The following ZNF618 variants were observed in gnomAD, a reference collection of about 807,000 sequenced individuals.
The protein encoded by ZNF618 is zinc finger protein 618.
Under a neutral mutation model 103.0 loss-of-function variants are expected in ZNF618, and 34 were observed. That is an observed-to-expected ratio of 0.33 (90% CI 0.25 to 0.44). The LOEUF is 0.44. Among genes scored for constraint, ZNF618 ranks in the 20% least tolerant of loss-of-function variants. ZNF618 has a pLI of 1.00. For synonymous variants in ZNF618, 551 were observed against 542.2 expected (o/e 1.02, Z -0.23); for missense variants, 1,059 against 1,295.4 (o/e 0.82, Z 2.80).
intron 2 of ZNF618, among the ~76,000 whole-genome samples, chr9:113,986,533 G>A (rs1002068111): frequency 2.6e-5 from 4 of 152,222 alleles, no homozygotes; most frequent in African/African-American, 9.6e-5. Flanking sequence ...CCTCCTGGCT[G>A]TAGAGGGTCG....
intron 5 of ZNF618, 110 bp from the exon 6 acceptor site, chr9:114,002,514 G>A (rs544528469): frequency 8.8e-6 from 11 of 1,247,294 alleles, no homozygotes; most frequent in South Asian, 6.6e-5. Flanking sequence ...GGCCCGGTGC[G>A]GGACTGTGAG....
intron 1 of ZNF618, among the ~76,000 whole-genome samples, chr9:113,895,803 G>A (rs536670544): frequency 6.6e-6 from 1 of 152,162 alleles, no homozygotes; most frequent in Non-Finnish European, 1.5e-5. Context: ...TCTTTTCAGA[G>A]TTTAAAATAA....
intron 1 of ZNF618, among the ~76,000 whole-genome samples, chr9:113,920,277 C>T (rs936748555): frequency 6.6e-6 from 1 of 152,050 alleles, no homozygotes; most frequent in Non-Finnish European, 1.5e-5. Context: ...GCTAGGAGAC[C>T]CCTTAATGGT....
intron 9 of ZNF618, among the ~76,000 whole-genome samples, chr9:114,013,126 A>T (rs1392630522): frequency 6.6e-6 from 1 of 152,220 alleles, no homozygotes. Context: ...GAAGGGAAAA[A>T]GTTGTAATCT....
rs186073788 is a variant in ZNF618, at chr9:113,969,108, C to A, written c.34-9C>A. 5,964 of 1,613,956 alleles carry A rather than the reference C, an allele frequency of 3.7e-3. 45 individuals are homozygous for A. The highest frequency in any genetic ancestry group is 0.015 in the Middle Eastern group (89 of 6,062). On this transcript the variant is annotated splice_polypyrimidine_tract_variant and intron_variant, in intron 1 of 14. Coordinates refer to ENST00000374126, the MANE Select transcript of ZNF618 (RefSeq NM_001318042.2). ...TGGCTGATGTAGGTGTTTTGGGTTT[C>A]TTTTGCAGGCTGACGGAGCCAGTGC...
At chr9:113,999,230 G>C (rs1840930692) in intron 4 of ZNF618, among the ~76,000 whole-genome samples, 1 of 151,976 alleles carries the variant, frequency 6.6e-6, no homozygotes, top group African/African-American at 2.4e-5. Context: ...GCTGTGCGAG[G>C]GGCAGGCGGG....
intron 1 of ZNF618, among the ~76,000 whole-genome samples, chr9:113,947,804 C>T (rs1272127582): frequency 6.6e-6 from 1 of 152,168 alleles, no homozygotes; most frequent in Non-Finnish European, 1.5e-5. Context: ...AGTGCCGCAG[C>T]TCTATTGTTG....
chr9:113,915,853 C>G (rs1832022626), intron 1 of ZNF618, among the ~76,000 whole-genome samples: 2 of 152,128 alleles, frequency 1.3e-5, no homozygotes, highest in South Asian at 4.1e-4. Flanking sequence ...TGAATAATCC[C>G]CATGAGGGCA....
At chr9:113,892,386 G>A (rs895748247) in intron 1 of ZNF618, among the ~76,000 whole-genome samples, 4 of 152,174 alleles carry the variant, frequency 2.6e-5, no homozygotes, top group East Asian at 1.9e-4. Flanking sequence ...GTCTGTACAT[G>A]TTCTGTACGG....
Position 113,929,229 on chromosome 9 carries a change from A to G in ZNF618, c.34-39888A>G, listed in dbSNP as rs1009230158. Among the ~76,000 whole-genome samples, 12 of 152,300 alleles carry G rather than the reference A, an allele frequency of 7.9e-5. No homozygotes were observed. In the East Asian group the frequency reaches 2.1e-3, roughly 27 times the overall value. On this transcript the variant is annotated intron_variant, in intron 1 of 14. Transcript: ENST00000374126. ...CAGATTTTAACTCTCAAGCTAGTGC[A>G]TACTCAGCTTCTAGCAGCTAAGTCA...
intron 1 of ZNF618, among the ~76,000 whole-genome samples, chr9:113,892,997 A>T: frequency 6.6e-6 from 1 of 152,240 alleles, no homozygotes; most frequent in East Asian, 1.9e-4. Context: ...AAACGTTAAC[A>T]TTAGAATCAT....
In ZNF618 at chr9:114,028,745, G is replaced by T. The variant is rs570664673; in HGVS notation, c.857G>T (p.Gly286Val). ...ALHAPISTAP[G>V]WEPPDDPDTG... ...GTGACCCTCTCAGGTACTGCCCCCGGGTGGGAGCCACCGGATGATCCAGAC... is the reference window on the plus strand; with the variant it reads ...GTGACCCTCTCAGGTACTGCCCCCGTGTGGGAGCCACCGGATGATCCAGAC... The change falls in exon 11 of 15, where the codon GGG becomes GTG. Residue 286 changes from glycine (G) to valine (V), a missense_variant. This residue lies in a region of ZNF618 where 434 missense variants were observed against 476.0 expected (regional missense o/e 0.91). Transcript: ENST00000374126. 6.5e-7 allele frequency: 1 copy of T among 1,550,320 alleles called. No individual in the cohort carries two copies. The highest frequency in any genetic ancestry group is 8.7e-7 in the Non-Finnish European group (1 of 1,146,924).
chr9:113,893,132 T>C (rs1055596533), intron 1 of ZNF618, among the ~76,000 whole-genome samples: 1 of 152,232 alleles, frequency 6.6e-6, no homozygotes, highest in Non-Finnish European at 1.5e-5. Flanking sequence ...TAGACTGGCA[T>C]CAATGCCATT....
chr9:113,879,845 T>C (rs1828347561), intron 1 of ZNF618, among the ~76,000 whole-genome samples: 1 of 152,096 alleles, frequency 6.6e-6, no homozygotes, highest in African/African-American at 2.4e-5. Context: ...CTTTATAGTT[T>C]GACTTTGGAG....
At chr9:113,897,376 C>T (rs1168639601) in intron 1 of ZNF618, among the ~76,000 whole-genome samples, 2 of 152,118 alleles carry the variant, frequency 1.3e-5, no homozygotes, top group Non-Finnish European at 2.9e-5. Context: ...CGATATTTTG[C>T]TTTTGTGCTT....
In ZNF618 at chr9:114,032,788, C is replaced by T. The variant is rs1390097035; in HGVS notation, c.1168+60C>T. ...AGCTGCCAGCTTCGCCCGCTCCCCC[C>T]TGGCAGCCGCGGCAGCATCCTGTGG... On this transcript the variant is annotated intron_variant, in intron 12 of 14. Transcript: ENST00000374126. The T allele has an allele frequency of 2.2e-4, 322 of 1,476,586 alleles. 4 individuals are homozygous for T. Among genetic ancestry groups the T allele is most frequent in the Non-Finnish European group, 1.1e-4 (113 of 1,055,410 alleles). The allele number at this position is 1,476,586 out of a possible 1,614,324, so 91.5% of individuals were successfully genotyped here.
intron 2 of ZNF618, among the ~76,000 whole-genome samples, chr9:113,988,073 A>G (rs1055951048): frequency 2.0e-5 from 3 of 152,172 alleles, no homozygotes; most frequent in Non-Finnish European, 4.4e-5. Context: ...CAGCTTCCCC[A>G]ACTGTAAAAT....
chr9:113,965,678 A>G (rs1837331980), intron 1 of ZNF618, among the ~76,000 whole-genome samples: 1 of 152,092 alleles, frequency 6.6e-6, no homozygotes, highest in Admixed American at 6.5e-5. Context: ...TTTTTTACCT[A>G]TGGAGAATCT....
intron 9 of ZNF618, among the ~76,000 whole-genome samples, chr9:114,015,416 A>G (rs773218857): frequency 6.6e-6 from 1 of 152,236 alleles, no homozygotes; most frequent in Non-Finnish European, 1.5e-5. Context: ...AGAAATGGAA[A>G]GTAAAATCAG....
Sources: allele counts gnomAD v4.1 joint callset (sites outside exome capture counted in the v4.1 genomes callset), GRCh38; gene constraint gnomAD v4.1.1; regional missense constraint gnomAD v4.1.1; transcripts MANE v1.5; gene names NCBI Gene and HGNC (gene_info 2026-07-23, HGNC 2026-07-21).